PIK3R4: variants seen among roughly 807,000 people sequenced by gnomAD.
PIK3R4 encodes the protein phosphoinositide-3-kinase regulatory subunit 4, also known as phosphoinositide 3-kinase regulatory subunit 4.
PIK3R4 carries 46 observed loss-of-function variants against 136.5 expected under a neutral mutation model. The ratio of observed to expected loss-of-function variants is 0.34; its 90% CI spans 0.27 to 0.43. PIK3R4 has a LOEUF of 0.43. Ranked by LOEUF, PIK3R4 falls within the 20% of genes least tolerant of loss-of-function variation. The pLI, the probability that PIK3R4 is intolerant of heterozygous loss-of-function variation, is 1.00. For missense variants in PIK3R4, 1,331 were observed against 1,649.5 expected (o/e 0.81, Z 3.35); for synonymous variants, 557 against 566.7 (o/e 0.98, Z 0.24).
At position 130,716,417 on chromosome 3, in the gene PIK3R4, A is replaced by G. The variant is rs748440718; in HGVS notation, c.2310T>C (p.Leu770=). 3 of 1,614,070 alleles carry G rather than the reference A, an allele frequency of 1.9e-6. No individual in the cohort carries two copies. The East Asian group carries it at 6.7e-5, about 36-fold the overall frequency. The change falls in exon 9 of 20, where the codon CTT becomes CTC. Residue 770 remains leucine, a synonymous_variant. Transcript: ENST00000356763. ...CAACCTGTGAGAGCAACTTCTTCAG[A>G]AGCTGTGCTATGGCAGGATCCTCTG... ...PPPEDPAIAQ[L]LKKLLSQGMT...
intron 14 of PIK3R4, among the ~76,000 whole-genome samples, chr3:130,688,545 T>C (rs2066500804): frequency 6.6e-6 from 1 of 152,236 alleles, no homozygotes; most frequent in Non-Finnish European, 1.5e-5. Flanking sequence ...TTTTGTGGTA[T>C]ACAGTTAAGT....
chr3:130,692,578 C>T (rs1331389670), intron 13 of PIK3R4, among the ~76,000 whole-genome samples: 2 of 152,202 alleles, frequency 1.3e-5, no homozygotes, highest in African/African-American at 2.4e-5. Flanking sequence ...GGCTACATCA[C>T]ATTTTGCTTA....
chr3:130,715,679 T>A (rs1482010143), intron 9 of PIK3R4, among the ~76,000 whole-genome samples: 1 of 152,160 alleles, frequency 6.6e-6, no homozygotes, highest in Non-Finnish European at 1.5e-5. Flanking sequence ...TGGGTAGATT[T>A]CAAAAATTTT....
At chr3:130,741,487 C>A (rs527797211) in intron 2 of PIK3R4, among the ~76,000 whole-genome samples, 1 of 152,234 alleles carries the variant, frequency 6.6e-6, no homozygotes, top group Non-Finnish European at 1.5e-5. Context: ...AAAACTTTTA[C>A]GATTTTATTC....
rs55888856 is a variant in PIK3R4, at chr3:130,718,361, G to A, written c.2127+28C>T. 11,218 of 1,593,172 alleles carry A rather than the reference G, an allele frequency of 7.0e-3. 668 individuals carry two copies. The African/African-American group carries it at 0.13, about 19-fold the overall frequency. ...TTAAAGAGGCACAGTTTGGAGGAAA[G>A]ACTGACTCCAACTTGGAACATGTAT... On this transcript the variant is annotated intron_variant, in intron 8 of 19. Transcript: ENST00000356763.
At position 130,690,660 on chromosome 3, in the gene PIK3R4, T is replaced by C. The variant is rs200211626; in HGVS notation, c.3099-6A>G. On this transcript the variant is annotated splice_polypyrimidine_tract_variant and splice_region_variant and intron_variant, in intron 13 of 19. Transcript: ENST00000356763. ...GGCTGTATGTAAGAATAGATCTGAA[T>C]GAAAGAAAAATAAAATTCATTTATG... is the stretch of plus-strand genomic sequence containing the variant. The C allele has an allele frequency of 5.5e-4, 869 of 1,573,158 alleles. 1 individual carries two copies. The highest frequency in any genetic ancestry group is 7.2e-4 in the Non-Finnish European group (833 of 1,152,576).
At chr3:130,683,034 C>CA (rs1270743904) in intron 16 of PIK3R4, among the ~76,000 whole-genome samples, 2 of 152,080 alleles carry the variant, frequency 1.3e-5, no homozygotes, top group African/African-American at 4.8e-5. Flanking sequence ...GAAGAGTGAT[C>CA]AAATTCTGGC....
intron 2 of PIK3R4, among the ~76,000 whole-genome samples, chr3:130,736,387 G>C (rs566194523): frequency 6.6e-6 from 1 of 152,236 alleles, no homozygotes; most frequent in East Asian, 1.9e-4. Flanking sequence ...TGGTCAACAT[G>C]ATGAAAGCCC....
Position 130,723,462 on chromosome 3 carries a change from AC to A in PIK3R4, c.1932del (p.Gln644HisfsTer2). 1 of 1,613,538 alleles carries A rather than the reference AC, an allele frequency of 6.2e-7. No homozygotes were observed. The highest frequency in any genetic ancestry group is 8.5e-7 in the Non-Finnish European group (1 of 1,179,696). On this transcript the variant is annotated frameshift_variant, in exon 7 of 20. Coordinates refer to ENST00000356763, the MANE Select transcript of PIK3R4 (RefSeq NM_014602.3). LOFTEE classifies it high-confidence loss of function. ...ACATGGGGTTTTTGTAGCAGTCCTA[AC>A]TGGCACATACAAGTAAGGGCATAAA... ...KALYALTCMC[Q>X]LGLLQKPHVY...
chr3:130,715,905 C>T (rs1488290898), intron 9 of PIK3R4, among the ~76,000 whole-genome samples: 2 of 152,124 alleles, frequency 1.3e-5, no homozygotes, highest in Non-Finnish European at 2.9e-5. Flanking sequence ...TAAGATATAC[C>T]AGTAAACTGC....
intron 2 of PIK3R4, among the ~76,000 whole-genome samples, chr3:130,739,449 G>A (rs532932164): frequency 6.6e-6 from 1 of 152,216 alleles, no homozygotes; most frequent in African/African-American, 2.4e-5. Flanking sequence ...ACAGTTCACT[G>A]TAGCCTGGAC....
At chr3:130,713,461 T>C (rs781443019) in intron 9 of PIK3R4, among the ~76,000 whole-genome samples, 8 of 152,136 alleles carry the variant, frequency 5.3e-5, no homozygotes, top group Non-Finnish European at 1.2e-4. Context: ...GGGGCTGGCA[T>C]TGAAGGAGCA....
chr3:130,720,091 T>C (rs1475672509), intron 7 of PIK3R4, among the ~76,000 whole-genome samples: 1 of 152,182 alleles, frequency 6.6e-6, no homozygotes, highest in Non-Finnish European at 1.5e-5. Flanking sequence ...TTCTACAGCA[T>C]TATTATATCA....
chr3:130,739,244 T>A lies in PIK3R4; in HGVS notation c.734-3242A>T, dbSNP rs536073302. Among the ~76,000 whole-genome samples the A allele has an allele frequency of 7.3e-5, 11 of 151,552 alleles. No individual in the cohort carries two copies. The East Asian group carries it at 1.9e-3, about 27-fold the overall frequency. On this transcript the variant is annotated intron_variant, in intron 2 of 19. Coordinates refer to ENST00000356763, the MANE Select transcript of PIK3R4 (RefSeq NM_014602.3). ...GGCGCCTGCCACCGCGCCCAGCTAA[T>A]TTTTTGTATTTTTAGTAGAGACGGG...
intron 13 of PIK3R4, among the ~76,000 whole-genome samples, chr3:130,697,335 G>T (rs918248754): frequency 1.3e-5 from 2 of 152,134 alleles, no homozygotes; most frequent in African/African-American, 4.8e-5. Context: ...GCCTCCCAAA[G>T]TGCTTGGGAT....
At chr3:130,721,767 T>C (rs1358840327) in intron 7 of PIK3R4, among the ~76,000 whole-genome samples, 3 of 152,100 alleles carry the variant, frequency 2.0e-5, no homozygotes, top group Non-Finnish European at 2.9e-5. Flanking sequence ...GGGCAGGTGT[T>C]AGTCAAAGGA....
Position 130,705,554 on chromosome 3 carries a change from C to T in PIK3R4, c.2932+7G>A, listed in dbSNP as rs527572955. 62 of 1,597,152 alleles carry T rather than the reference C, an allele frequency of 3.9e-5. No homozygotes were observed. The highest frequency in any genetic ancestry group is 5.2e-5 in the Non-Finnish European group (61 of 1,165,098). On this transcript the variant is annotated splice_region_variant and intron_variant, in intron 12 of 19. Transcript: ENST00000356763. ...AGACTACAACTACTTATCAACGGAA[C>T]TTTTACCAGGTGGTGGTGGTTTACT...
At chr3:130,692,937 G>A (rs1261478867) in intron 13 of PIK3R4, among the ~76,000 whole-genome samples, 1 of 152,130 alleles carries the variant, frequency 6.6e-6, no homozygotes, top group Non-Finnish European at 1.5e-5. Context: ...TCTAATTCCA[G>A]AACATTTTCA....
intron 6 of PIK3R4, among the ~76,000 whole-genome samples, chr3:130,727,340 C>CT (rs965019916): frequency 3.0e-5 from 3 of 99,304 alleles, no homozygotes; most frequent in East Asian, 3.0e-4. Flanking sequence ...CCTGCCTCAG[C>CT]CCCCCTCCCG....
Sources: allele counts gnomAD v4.1 joint callset (sites outside exome capture counted in the v4.1 genomes callset), GRCh38; gene constraint gnomAD v4.1.1; transcripts MANE v1.5; gene names NCBI Gene and HGNC (gene_info 2026-07-23, HGNC 2026-07-21).